The following FLI1 variants were observed in gnomAD, a reference collection of about 807,000 sequenced individuals.
The protein encoded by FLI1 is Friend leukemia integration 1 transcription factor.
FLI1 carries 13 observed loss-of-function variants against 53.1 expected under a neutral mutation model. The ratio of observed to expected loss-of-function variants is 0.24; its 90% CI spans 0.16 to 0.39. The LOEUF is 0.39. Ranked by LOEUF, FLI1 falls within the 10% of genes least tolerant of loss-of-function variation. The pLI, the probability that FLI1 is intolerant of heterozygous loss-of-function variation, is 1.00. For synonymous variants in FLI1, 244 were observed against 236.7 expected, an observed-to-expected ratio of 1.03 and a Z score of -0.28; for missense variants, 424 against 600.5, an observed-to-expected ratio of 0.71 and a Z score of 3.07.
chr11:128,761,538 C>T (rs1941122532), intron 2 of FLI1, among the ~76,000 whole-genome samples: 1 of 152,194 alleles, frequency 6.6e-6, no homozygotes, highest in African/African-American at 2.4e-5. Context: ...GACTCAGCCC[C>T]TTCAATGCTG....
intron 1 of FLI1, among the ~76,000 whole-genome samples, chr11:128,713,239 A>C (rs1938863397): frequency 6.6e-6 from 1 of 152,224 alleles, no homozygotes; most frequent in Non-Finnish European, 1.5e-5. Context: ...AGAAAGGATA[A>C]AATTATAAAT....
chr11:128,754,235 A>ATGTGTGTG lies in FLI1; in HGVS notation c.19-3845_19-3838dup, dbSNP rs57171401. ...AGCCATGATTGCAAATAGAAGGGGG[A>ATGTGTGTG]TGTGTGTGTGTGTGTGTGTGTGTGT... On this transcript the variant is annotated intron_variant, in intron 1 of 8. Coordinates refer to ENST00000527786, the MANE Select transcript of FLI1 (RefSeq NM_002017.5). 2.9e-3 allele frequency among the ~76,000 whole-genome samples: 428 copies of ATGTGTGTG among 145,780 alleles called. 3 individuals carry two copies. Among genetic ancestry groups the ATGTGTGTG allele is most frequent in the African/African-American group, 7.3e-3 (285 of 38,926 alleles).
chr11:128,760,766 T>C (rs918283177), intron 2 of FLI1, among the ~76,000 whole-genome samples: 2 of 152,182 alleles, frequency 1.3e-5, no homozygotes, highest in South Asian at 4.1e-4. Context: ...GACCTCATGA[T>C]CCGCCTGCCT....
chr11:128,722,827 C>T (rs12802965), intron 1 of FLI1, among the ~76,000 whole-genome samples: 1 of 152,106 alleles, frequency 6.6e-6, no homozygotes, highest in African/African-American at 2.4e-5. Flanking sequence ...CTATCGAGCT[C>T]TGGGAACCGC....
intron 1 of FLI1, among the ~76,000 whole-genome samples, chr11:128,735,224 T>G (rs1397412957): frequency 6.6e-6 from 1 of 152,202 alleles, no homozygotes; most frequent in African/African-American, 2.4e-5. Context: ...TTATTATTAC[T>G]GATAACAACA....
chr11:128,808,330 A>C (rs598657), intron 7 of FLI1, among the ~76,000 whole-genome samples: 21,661 of 152,208 alleles, frequency 0.14, 1,947 homozygotes, highest in Non-Finnish European at 0.2. Flanking sequence ...ATTTTACAAA[A>C]TACATGACAA....
chr11:128,754,111 A>G (rs1940762570), intron 1 of FLI1, among the ~76,000 whole-genome samples: 1 of 152,164 alleles, frequency 6.6e-6, no homozygotes, highest in Non-Finnish European at 1.5e-5. Flanking sequence ...CCAGTGAGCC[A>G]GACAGGGAAC....
intron 7 of FLI1, among the ~76,000 whole-genome samples, chr11:128,807,607 C>T (rs1942819392): frequency 1.3e-5 from 2 of 152,210 alleles, no homozygotes; most frequent in South Asian, 2.1e-4. Context: ...TTTTATGCTT[C>T]ACCAAACCTT....
chr11:128,764,000 G>A (rs59535747), intron 2 of FLI1, among the ~76,000 whole-genome samples: 1,601 of 152,258 alleles, frequency 0.011, 21 homozygotes, highest in African/African-American at 0.037. Context: ...GTTACACGCC[G>A]CGGGTCCTAA....
intron 1 of FLI1, among the ~76,000 whole-genome samples, chr11:128,739,565 A>G (rs1439737536): frequency 6.6e-6 from 1 of 152,018 alleles, no homozygotes; most frequent in Non-Finnish European, 1.5e-5. Flanking sequence ...TCCATTCCCA[A>G]GGATTGTTGG....
chr11:128,798,708 C>T (rs1186880774), intron 5 of FLI1, among the ~76,000 whole-genome samples: 1 of 152,166 alleles, frequency 6.6e-6, no homozygotes, highest in Admixed American at 6.5e-5. Context: ...CTTCCAAGGT[C>T]TCAGTGGATG....
chr11:128,742,728 C>A lies in FLI1; in HGVS notation c.19-15387C>A, dbSNP rs144827939. ...CCCTGGACCAAATCAGAGAATTCAA[C>A]TTCTTTCTATGGAAATGAATAAGAA... On this transcript the variant is annotated intron_variant, in intron 1 of 8. Transcript: ENST00000527786. Among the ~76,000 whole-genome samples, 690 of 152,326 alleles carry A rather than the reference C, an allele frequency of 4.5e-3. 13 individuals are homozygous for A. The highest frequency in any genetic ancestry group is 0.016 in the African/African-American group (658 of 41,568).
At chr11:128,772,618 CA>C (rs1326450513) in intron 3 of FLI1, among the ~76,000 whole-genome samples, 163 bp from the exon 4 acceptor site, 1 of 152,124 alleles carries the variant, frequency 6.6e-6, no homozygotes, top group Non-Finnish European at 1.5e-5. Flanking sequence ...CGCCAGATGC[CA>C]TGGAGCCTGA....
chr11:128,795,559 A>ATTTTTTT lies in FLI1; in HGVS notation c.656-9795_656-9789dup, dbSNP rs33948261. Among the ~76,000 whole-genome samples, 3 of 136,440 alleles carry ATTTTTTT rather than the reference A, an allele frequency of 2.2e-5. 1 individual carries two copies. The highest frequency in any genetic ancestry group is 2.1e-4 in the East Asian group (1 of 4,706). The allele number at this position is 136,440 out of a possible 152,430, so 89.5% of individuals were successfully genotyped here. ...AGGATGCGTTAGAATATAGAAAGCA[A>ATTTTTTT]TTTTTTTTTTTTTTTTTTGAGACAG... On this transcript the variant is annotated intron_variant, in intron 5 of 8. Coordinates refer to ENST00000527786, the MANE Select transcript of FLI1 (RefSeq NM_002017.5).
chr11:128,804,575 C>A (rs1358174233), intron 5 of FLI1: 2 of 152,186 alleles, frequency 1.3e-5, no homozygotes, highest in African/African-American at 2.4e-5. Context: ...CTTAGTCATG[C>A]CCAGGTGGGG....
intron 5 of FLI1, among the ~76,000 whole-genome samples, chr11:128,798,945 G>A (rs626170): frequency 0.24 from 35,870 of 151,862 alleles, 5,017 homozygotes; most frequent in Non-Finnish European, 0.32. Context: ...GTCTTCTGGG[G>A]TGGGGTTTCT....
At chr11:128,751,820 T>A (rs796942274) in intron 1 of FLI1, among the ~76,000 whole-genome samples, 1 of 145,096 alleles carries the variant, frequency 6.9e-6, no homozygotes, top group Non-Finnish European at 1.5e-5. Flanking sequence ...GGGTTTTTTT[T>A]TTTGGGTTTG....
intron 5 of FLI1, among the ~76,000 whole-genome samples, chr11:128,785,641 A>G (rs1383317877): frequency 6.6e-6 from 1 of 152,194 alleles, no homozygotes; most frequent in Non-Finnish European, 1.5e-5. Flanking sequence ...CTCCATCCCT[A>G]AACTTTTCTC....
chr11:128,774,653 T>C (rs1360061139), intron 4 of FLI1, among the ~76,000 whole-genome samples: 1 of 152,192 alleles, frequency 6.6e-6, no homozygotes, highest in African/African-American at 2.4e-5. Flanking sequence ...ATAGACAGCA[T>C]GCTCTGAACT....
Sources: gnomAD v4.1 joint callset for allele counts (sites outside exome capture counted in the v4.1 genomes callset) on GRCh38, gnomAD v4.1.1 for gene constraint, MANE v1.5 for transcripts, NCBI Gene and HGNC (gene_info 2026-07-23, HGNC 2026-07-21) for gene names.